Variants in NDUFAF6 observed in about 807,000 individuals in gnomAD.
NDUFAF6 encodes NADH dehydrogenase (ubiquinone) complex I, assembly factor 6.
Under a neutral mutation model 40.8 loss-of-function variants are expected in NDUFAF6, and 45 were observed. The observed-to-expected ratio is 1.10, with a 90% confidence interval of 0.87 to 1.42. The LOEUF (loss-of-function observed/expected upper bound fraction) is 1.42. NDUFAF6 is among the 40% of genes most tolerant of loss of function. The probability of loss-of-function intolerance (pLI) is 0.00; values close to 1 mark genes in which losing one functional copy is unlikely to be tolerated. For synonymous variants in NDUFAF6, 185 were observed against 155.9 expected (o/e 1.19, Z -1.39); for missense variants, 435 against 418.5 (o/e 1.04, Z -0.34).
At chr8:95,063,249 T>A (rs1051801588), downstream of NDUFAF6, among the ~76,000 whole-genome samples, 4 of 152,318 alleles carry the variant, frequency 2.6e-5, no homozygotes, top group Admixed American at 2.6e-4. Flanking sequence ...GAATCAGATA[T>A]GAGATAGAAT....
At chr8:95,031,601 G>T (rs11780931) in intron 1 of NDUFAF6, among the ~76,000 whole-genome samples, 9 of 152,066 alleles carry the variant, frequency 5.9e-5, no homozygotes, top group African/African-American at 2.2e-4. Context: ...GAAGCCTCAC[G>T]TTGTTATTGT....
chr8:95,114,955 G>C (rs1052610362), intron 4 of NDUFAF6, among the ~76,000 whole-genome samples: 33 of 152,134 alleles, frequency 2.2e-4, no homozygotes, highest in African/African-American at 7.7e-4. Context: ...CCAGCTACTC[G>C]GGAGGCTGAG....
At chr8:94,978,317 AG>A (rs1456919273) in intron 1 of NDUFAF6, among the ~76,000 whole-genome samples, 5 of 152,226 alleles carry the variant, frequency 3.3e-5, no homozygotes, top group African/African-American at 1.2e-4. Context: ...GCGTGTTAGA[AG>A]GATGGCGCAC....
At chr8:94,942,869 A>C (rs3019180) in intron 1 of NDUFAF6, among the ~76,000 whole-genome samples, 86 of 152,314 alleles carry the variant, frequency 5.6e-4, no homozygotes, top group Non-Finnish European at 1.1e-3. Flanking sequence ...AGGGAGGGTC[A>C]CAATAGCAGG....
chr8:95,064,567 G>A (rs1396182127), intron 9 of NDUFAF6, among the ~76,000 whole-genome samples: 1 of 152,014 alleles, frequency 6.6e-6, no homozygotes, highest in Admixed American at 6.6e-5. Flanking sequence ...GTGTGTGCGC[G>A]CGTGCGTGTG....
At chr8:95,104,878 G>T (rs1809772138), downstream of NDUFAF6, among the ~76,000 whole-genome samples, 1 of 152,156 alleles carries the variant, frequency 6.6e-6, no homozygotes, top group Admixed American at 6.5e-5. Flanking sequence ...AGCTGCGGCA[G>T]CCAGAGTTTC....
intron 2 of NDUFAF6, among the ~76,000 whole-genome samples, chr8:95,006,449 TA>T (rs1361362467): frequency 6.6e-6 from 1 of 152,180 alleles, no homozygotes; most frequent in African/African-American, 2.4e-5. Context: ...TATCAGGTTT[TA>T]TTTTCAGACT....
chr8:95,108,061 C>T (rs140457442), downstream of NDUFAF6, among the ~76,000 whole-genome samples: 1 of 152,318 alleles, frequency 6.6e-6, no homozygotes, highest in African/African-American at 2.4e-5. Flanking sequence ...AAAACCAGTA[C>T]ATAACCAGTG....
At chr8:94,994,682 A>G (rs1826342402) in intron 2 of NDUFAF6, among the ~76,000 whole-genome samples, 3 of 151,984 alleles carry the variant, frequency 2.0e-5, no homozygotes, top group South Asian at 4.2e-4. Flanking sequence ...AAAATTAACA[A>G]ATTAGCCAGG....
chr8:94,985,627 C>T (rs1450082343), intron 2 of NDUFAF6, among the ~76,000 whole-genome samples: 1 of 139,514 alleles, frequency 7.2e-6, no homozygotes. Context: ...CCTCCGCCTC[C>T]CAGGTTCAAG....
chr8:94,923,533 C>T (rs1324355729), intron 1 of NDUFAF6, among the ~76,000 whole-genome samples: 1 of 152,156 alleles, frequency 6.6e-6, no homozygotes. Flanking sequence ...TATTCCAACC[C>T]TTTTTATCCA....
chr8:95,095,902 C>T (rs932888298), upstream of NDUFAF6, among the ~76,000 whole-genome samples: 1 of 152,068 alleles, frequency 6.6e-6, no homozygotes, highest in Non-Finnish European at 1.5e-5. Flanking sequence ...TGGCCTCAAG[C>T]GATCCGCCTG....
intron 4 of NDUFAF6, among the ~76,000 whole-genome samples, chr8:95,111,423 C>T (rs771041759): frequency 1.4e-4 from 21 of 152,142 alleles, no homozygotes; most frequent in Non-Finnish European, 2.4e-4. Flanking sequence ...TCAGTATGAT[C>T]GATTCTGTGC....
intron 1 of NDUFAF6, among the ~76,000 whole-genome samples, chr8:94,903,521 T>C (rs1223167234): frequency 6.6e-6 from 1 of 152,226 alleles, no homozygotes; most frequent in Admixed American, 6.5e-5. Context: ...TTTGAAAGCA[T>C]GTAATACAAA....
intron 2 of NDUFAF6, among the ~76,000 whole-genome samples, chr8:94,989,808 CCTCAACCTCCTATA>C (rs1273931103): frequency 1.3e-5 from 2 of 152,108 alleles, no homozygotes; most frequent in Admixed American, 1.3e-4. Context: ...GTTATCATGG[CCTCAACCTCCTATA>C]CTCAAGCGAT....
intron 1 of NDUFAF6, among the ~76,000 whole-genome samples, chr8:95,028,679 T>G (rs112665856): frequency 5.9e-5 from 9 of 152,308 alleles, no homozygotes; most frequent in African/African-American, 1.7e-4. Flanking sequence ...TGGTAGGTTA[T>G]TAAGCTTCAT....
chr8:94,984,963 A>G (rs530338429), intron 2 of NDUFAF6, among the ~76,000 whole-genome samples: 2 of 152,208 alleles, frequency 1.3e-5, no homozygotes, highest in Admixed American at 6.5e-5. Flanking sequence ...TTGCCAACCT[A>G]AGAGCCATTC....
intron 6 of NDUFAF6, among the ~76,000 whole-genome samples, chr8:95,048,150 C>T (rs1003744635): frequency 5.3e-5 from 8 of 152,108 alleles, no homozygotes; most frequent in African/African-American, 1.7e-4. Flanking sequence ...GCCATGATTG[C>T]ACCACTGCAC....
chr8:94,957,064 C>T (rs991565828), upstream of NDUFAF6, among the ~76,000 whole-genome samples: 9 of 152,010 alleles, frequency 5.9e-5, no homozygotes, highest in African/African-American at 1.9e-4. Context: ...CCCAGCTGCA[C>T]GGGAGGCTGA....
Sources: allele counts gnomAD v4.1 joint callset (sites outside exome capture counted in the v4.1 genomes callset), GRCh38; gene constraint gnomAD v4.1.1; transcripts MANE v1.5; gene names NCBI Gene and HGNC (gene_info 2026-07-23, HGNC 2026-07-21).